OR7G2: variants seen among roughly 807,000 people sequenced by gnomAD.
The protein encoded by OR7G2 is olfactory receptor 7G2.
For missense variants in OR7G2, 362 were observed against 384.0 expected (o/e 0.94, Z 0.48); for synonymous variants, 153 against 152.2 (o/e 1.01, Z -0.04).
At chr19:9,105,130 C>G (rs2050379038) in intron 1 of OR7G2, among the ~76,000 whole-genome samples, 1 of 151,756 alleles carries the variant, frequency 6.6e-6, no homozygotes, top group Non-Finnish European at 1.5e-5. Flanking sequence ...GCCACCGCAC[C>G]CGGCTAATTT....
chr19:9,102,555 G>A lies in OR7G2; in HGVS notation c.689C>T (p.Ser230Leu). The A allele has an allele frequency of 6.2e-7, 1 of 1,614,214 alleles. No homozygotes were observed. Among genetic ancestry groups the A allele is most frequent in the South Asian group, 1.1e-5 (1 of 91,082 alleles). Residue 230 changes from serine to leucine, a missense_variant, in exon 2 of 2, where the codon TCA becomes TTA. Transcript: ENST00000641081. ...AACTGCTTTGTGCTTTCCACTTGCT[G>A]ATGGCATTCTCAAAACACAGGAGGT... ...QITSCVLRMP[S>L]ASGKHKAVST... is the part of the protein sequence containing the mutation.
rs1281773485 is a variant in OR7G2, at chr19:9,106,339, C to T, written c.-17+975G>A. Among the ~76,000 whole-genome samples the T allele has an allele frequency of 4.0e-5, 6 of 151,508 alleles. No homozygotes were observed. The East Asian group carries it at 9.7e-4, about 25-fold the overall frequency. On this transcript the variant is annotated intron_variant, in intron 1 of 1. Coordinates refer to ENST00000641081, the MANE Select transcript of OR7G2 (RefSeq NM_001005193.2). ...ACTTGGGAGGCTGAGGCAGGAGAAT[C>T]GCTTGCACCTGAGAGGCAGAGGTTG...
chr19:9,105,903 AAG>A (rs1491037879), intron 1 of OR7G2, among the ~76,000 whole-genome samples: 11 of 151,918 alleles, frequency 7.2e-5, no homozygotes, highest in African/African-American at 2.7e-4. Context: ...TCACAAAAAA[AAG>A]AGAGAAGGGA....
At chr19:9,107,158 G>A (rs1405318743) in intron 1 of OR7G2, among the ~76,000 whole-genome samples, 156 bp downstream of exon 1, 2 of 152,034 alleles carry the variant, frequency 1.3e-5, no homozygotes, top group South Asian at 2.1e-4. Flanking sequence ...AGCTATGATC[G>A]AGTCACCACA....
intron 1 of OR7G2, among the ~76,000 whole-genome samples, chr19:9,103,501 C>CTTTTTTTTTTTTTTTTTTTTTTTTTTT (rs201971532): frequency 8.4e-6 from 1 of 119,076 alleles, no homozygotes; most frequent in Non-Finnish European, 1.7e-5. Flanking sequence ...ATGTGGAAAT[C>CTTTTTTTTTTTTTTTTTTTTTTTTTTT]TTTTTTTTTT....
intron 1 of OR7G2, among the ~76,000 whole-genome samples, chr19:9,104,332 G>C (rs2050374122): frequency 6.6e-6 from 1 of 152,160 alleles, no homozygotes; most frequent in Non-Finnish European, 1.5e-5. Flanking sequence ...AACAGCGCTA[G>C]AGATAGACAG....
intron 1 of OR7G2, among the ~76,000 whole-genome samples, chr19:9,105,987 G>C (rs2050383583): frequency 6.6e-6 from 1 of 152,104 alleles, no homozygotes; most frequent in Non-Finnish European, 1.5e-5. Flanking sequence ...GATAAACAGT[G>C]TACAGTGTGA....
chr19:9,103,501 CTTTTTTT>C (rs201971532), intron 1 of OR7G2, among the ~76,000 whole-genome samples: 2 of 119,084 alleles, frequency 1.7e-5, no homozygotes, highest in African/African-American at 7.1e-5. Flanking sequence ...ATGTGGAAAT[CTTTTTTT>C]TTTTTTTTTT....
Position 9,103,155 on chromosome 19 carries a change from A to T in OR7G2, c.89T>A (p.Leu30Gln), listed in dbSNP as rs1488750360. The change falls in exon 2 of 2, where the codon CTG becomes CAG. Residue 30 changes from leucine (L) to glutamine (Q), a missense_variant. Coordinates refer to ENST00000641081, the MANE Select transcript of OR7G2 (RefSeq NM_001005193.2). ...DPELQPVLFS[L>Q]FLSMYLVTIL... ...GGTGACCAAGTACATGGACAGGAAC[A>T]GGCTGAAAAGGACGGGCTGCAGTTC... 1 of 1,614,178 alleles carries T rather than the reference A, an allele frequency of 6.2e-7. No individual in the cohort carries two copies. The highest frequency in any genetic ancestry group is 2.2e-5 in the East Asian group (1 of 44,884).
rs772343667 is a variant in OR7G2 at position 9,102,461 on chromosome 19, A to G, written c.783T>C (p.Ser261=). The change falls in exon 2 of 2, where the codon AGT becomes AGC. Residue 261 remains serine (S), a synonymous_variant. Coordinates refer to ENST00000641081, the MANE Select transcript of OR7G2 (RefSeq NM_001005193.2). ...FYGAGLGVYI[S]SVVTDSPRKT... is the part of the protein sequence containing the mutation. ...TCCTAGGTGAGTCAGTAACCACAGA[A>G]CTAATGTACACCCCCAAACCTGCCC... 1 of 1,613,884 alleles carries G rather than the reference A, an allele frequency of 6.2e-7. No homozygotes were observed. Among genetic ancestry groups the G allele is most frequent in the Non-Finnish European group, 8.5e-7 (1 of 1,179,896 alleles).
intron 1 of OR7G2, among the ~76,000 whole-genome samples, chr19:9,104,395 A>G (rs1031442054): frequency 7.9e-5 from 12 of 152,146 alleles, no homozygotes; most frequent in Non-Finnish European, 1.0e-4. Context: ...TTCACATGTG[A>G]TTTTCTAAGA....
intron 1 of OR7G2, among the ~76,000 whole-genome samples, chr19:9,103,624 GC>G (rs2050368829): frequency 6.8e-6 from 1 of 147,150 alleles, no homozygotes; most frequent in African/African-American, 2.5e-5. Context: ...TCTGGCCTCA[GC>G]CTCCCAAGTA....
In OR7G2 at chr19:9,103,008, G is replaced by A; in HGVS notation, c.236C>T (p.Pro79Leu). ...LDICLSTTTI[P>L]KMLVNIQAQN... ...AGCTTGGATGTTCACCAGCATCTTT[G>A]GGATCGTGGTTGTGCTTAAACAAAT... The change falls in exon 2 of 2, where the codon CCA becomes CTA. Residue 79 changes from proline to leucine, a missense_variant. Physicochemically the swap from Pro to Leu is moderately conservative, Grantham distance 98. Transcript: ENST00000641081. 6.2e-7 allele frequency: 1 copy of A among 1,614,136 alleles called. No individual in the cohort carries two copies. Among genetic ancestry groups the A allele is most frequent in the Non-Finnish European group, 8.5e-7 (1 of 1,180,022 alleles).
At chr19:9,104,403 A>G (rs2050374294) in intron 1 of OR7G2, among the ~76,000 whole-genome samples, 1 of 152,204 alleles carries the variant, frequency 6.6e-6, no homozygotes, top group South Asian at 2.1e-4. Context: ...TGATTTTCTA[A>G]GACAATCATC....
At position 9,102,678 on chromosome 19, in the gene OR7G2, CAGGTG is replaced by C; in HGVS notation, c.561_565del (p.Thr188PhefsTer7). ...GATGTTATTGATGAGGGTGTCTGAA[CAGGTG>C]AGTTGGATGACCTGAGCCAGTTCAC... is the stretch of plus-strand genomic sequence containing the variant. On this transcript the variant is annotated frameshift_variant, in exon 2 of 2. Transcript: ENST00000641081. LOFTEE classifies it low-confidence loss of function (END_TRUNC). 6.2e-7 allele frequency: 1 copy of C among 1,614,138 alleles called. No homozygotes were observed. Among genetic ancestry groups the C allele is most frequent in the Non-Finnish European group, 8.5e-7 (1 of 1,180,042 alleles).
chr19:9,106,779 C>T (rs952720674), intron 1 of OR7G2, among the ~76,000 whole-genome samples: 1 of 150,886 alleles, frequency 6.6e-6, no homozygotes, highest in Non-Finnish European at 1.5e-5. Flanking sequence ...ACCACCGCTT[C>T]ATGTTTTTGA....
At position 9,102,101 on chromosome 19, in the gene OR7G2, G is replaced by GC. The variant is rs759042517; in HGVS notation, c.*167dup. ...GCCTGTAATCCCCACTACTCAGGAG[G>GC]CTGAGGCAGGAGGATGGCTTGAACC... On this transcript the variant is annotated 3_prime_UTR_variant, in exon 2 of 2. Coordinates refer to ENST00000641081, the MANE Select transcript of OR7G2 (RefSeq NM_001005193.2). 1.7e-6 allele frequency: 1 copy of GC among 599,852 alleles called. No homozygotes were observed. The highest frequency in any genetic ancestry group is 2.9e-6 in the Non-Finnish European group (1 of 345,440). 37.2% of individuals were successfully genotyped at this position (599,852 alleles called of 1,614,324 possible).
intron 1 of OR7G2, among the ~76,000 whole-genome samples, chr19:9,103,749 G>A (rs928493139): frequency 1.3e-5 from 2 of 151,236 alleles, no homozygotes; most frequent in Non-Finnish European, 1.5e-5. Context: ...GGCTGATCTC[G>A]AACTCCTGAC....
intron 1 of OR7G2, among the ~76,000 whole-genome samples, chr19:9,104,402 A>G (rs2050374284): frequency 6.6e-6 from 1 of 152,210 alleles, no homozygotes; most frequent in South Asian, 2.1e-4. Context: ...GTGATTTTCT[A>G]AGACAATCAT....
Sources: allele counts gnomAD v4.1 joint callset (sites outside exome capture counted in the v4.1 genomes callset), GRCh38; gene constraint gnomAD v4.1.1; transcripts MANE v1.5; gene names NCBI Gene and HGNC (gene_info 2026-07-23, HGNC 2026-07-21).